SAMD3: variants seen among roughly 807,000 people sequenced by gnomAD.
SAMD3 encodes the protein sterile alpha motif domain-containing protein 3.
SAMD3 carries 63 observed loss-of-function variants against 58.5 expected under a neutral mutation model. The observed-to-expected ratio is 1.08, with a 90% CI of 0.88 to 1.33. The LOEUF is 1.33. Among genes scored for constraint, SAMD3 ranks in the 40% most tolerant of loss-of-function variants. The pLI is 0.00. For synonymous variants in SAMD3, 220 were observed against 210.3 expected (o/e 1.05, Z -0.40); for missense variants, 604 against 608.4 (o/e 0.99, Z 0.08).
chr6:130,348,119 A>G (rs1777514473), intron 1 of SAMD3, among the ~76,000 whole-genome samples: 1 of 152,200 alleles, frequency 6.6e-6, no homozygotes, highest in Non-Finnish European at 1.5e-5. Context: ...GCCACTGCAA[A>G]AACATGCCAA....
chr6:130,214,406 G>A lies in SAMD3; in HGVS notation c.200C>T (p.Thr67Ile), dbSNP rs139187903. 9.9e-5 allele frequency: 159 copies of A among 1,612,904 alleles called. No individual in the cohort carries two copies. Among genetic ancestry groups the A allele is most frequent in the Middle Eastern group, 1.6e-4 (1 of 6,080 alleles). The change falls in exon 4 of 12, where the codon ACT (threonine) becomes ATT (isoleucine). Residue 67 changes from threonine to isoleucine, a missense_variant. By Grantham distance (89) the Thr-to-Ile change is moderately conservative. Coordinates refer to ENST00000439090, the MANE Select transcript of SAMD3 (RefSeq NM_001017373.4). ...MDLIKKYKQN[T>I]QGLKSPENPK... The stretch of plus-strand genomic sequence containing the variant: ...GTTTTCTGGGGACTTCAGTCCTTGA[G>A]TGTTCTGCTTGTATTTTTTAATTAA...
intron 2 of SAMD3, among the ~76,000 whole-genome samples, chr6:130,269,618 G>A (rs1774487458): frequency 6.6e-6 from 1 of 151,814 alleles, no homozygotes; most frequent in African/African-American, 2.4e-5. Context: ...CTTTTTGTCA[G>A]TCTTCCTAGA....
chr6:130,339,079 C>T (rs192010449), intron 1 of SAMD3, among the ~76,000 whole-genome samples: 1 of 152,180 alleles, frequency 6.6e-6, no homozygotes, highest in East Asian at 1.9e-4. Context: ...TGGAGTCTCC[C>T]TTTGTTGCCC....
chr6:130,362,665 T>C (rs910875866), intron 1 of SAMD3, among the ~76,000 whole-genome samples: 1 of 152,142 alleles, frequency 6.6e-6, no homozygotes, highest in Non-Finnish European at 1.5e-5. Context: ...GTTTATTATC[T>C]AACAAGGAGG....
At chr6:130,313,609 A>G (rs1363823477) in intron 1 of SAMD3, among the ~76,000 whole-genome samples, 1 of 152,198 alleles carries the variant, frequency 6.6e-6, no homozygotes, top group African/African-American at 2.4e-5. Context: ...GCCTTTCACC[A>G]ATGCCACCCC....
chr6:130,190,139 A>T (rs368986333), intron 5 of SAMD3, among the ~76,000 whole-genome samples: 56,876 of 151,798 alleles, frequency 0.37, 11,317 homozygotes, highest in African/African-American at 0.47. Flanking sequence ...TAACTGGACT[A>T]AAGATAAAAG....
At chr6:130,159,463 G>A (rs9492465) in intron 8 of SAMD3, 9,859 of 152,306 alleles carry the variant, frequency 0.065, 328 homozygotes, top group Non-Finnish European at 0.082. Flanking sequence ...ACACAGAGGC[G>A]GGTGGGAGAT....
chr6:130,198,097 G>A (rs1458897677), intron 5 of SAMD3, among the ~76,000 whole-genome samples: 2 of 151,896 alleles, frequency 1.3e-5, no homozygotes, highest in East Asian at 1.9e-4. Context: ...CCTATAAAAC[G>A]GCCCCACCCC....
chr6:130,310,603 A>G (rs767221493), intron 2 of SAMD3, among the ~76,000 whole-genome samples: 1 of 152,176 alleles, frequency 6.6e-6, no homozygotes, highest in Non-Finnish European at 1.5e-5. Context: ...TTTATATTCT[A>G]TTTTAGTGCT....
Position 130,209,601 on chromosome 6 carries a change from C to T in SAMD3, c.277G>A (p.Asp93Asn), listed in dbSNP as rs267600803. 1.2e-6 allele frequency: 2 copies of T among 1,606,618 alleles called. No individual in the cohort carries two copies. Among genetic ancestry groups the T allele is most frequent in the Non-Finnish European group, 1.7e-6 (2 of 1,173,352 alleles). ...CTGGCTGGACTGGAGGACTCTTCAT[C>T]CCTGTAACTAAGAAAGAAGAGGTGG... ...MQTEAARDYR[D>N]EESSSPARHG... The change falls in exon 5 of 12, where the codon GAT (aspartate) becomes AAT (asparagine). Residue 93 changes from aspartate to asparagine, a missense_variant. Coordinates refer to ENST00000439090, the MANE Select transcript of SAMD3 (RefSeq NM_001017373.4).
chr6:130,312,769 T>C lies in SAMD3; in HGVS notation c.-188+209A>G, dbSNP rs144371497. 8.6e-3 allele frequency among the ~76,000 whole-genome samples: 1,306 copies of C among 151,436 alleles called. 12 individuals are homozygous for C. The highest frequency in any genetic ancestry group is 0.037 in the Middle Eastern group (11 of 294). ...CTTATCTTGTTGAAGACAGTAATTA[T>C]AGGCCTTATGTGTGAGTATACATGC... On this transcript the variant is annotated intron_variant, in intron 2 of 13. Coordinates refer to the SAMD3 transcript ENST00000368134.
chr6:130,355,606 TCTTA>T lies in SAMD3; in HGVS notation c.-304+9510_-304+9513del, dbSNP rs1280519961. 7.2e-5 allele frequency among the ~76,000 whole-genome samples: 11 copies of T among 152,320 alleles called. No individual in the cohort carries two copies. The East Asian group carries it at 1.9e-3, about 27-fold the overall frequency. ...GAGGAAGGTTGTGGTCACATGATGC[TCTTA>T]CTATCAAGAAATACCATTTTCAAAC... On this transcript the variant is annotated intron_variant, in intron 1 of 13. Coordinates refer to the SAMD3 transcript ENST00000368134.
At chr6:130,348,169 C>A (rs144928010) in intron 1 of SAMD3, among the ~76,000 whole-genome samples, 1 of 152,110 alleles carries the variant, frequency 6.6e-6, no homozygotes, top group Non-Finnish European at 1.5e-5. Flanking sequence ...ACTGCAGCAA[C>A]CAATGAGCAA....
At chr6:130,295,055 C>G (rs1324950296) in intron 2 of SAMD3, among the ~76,000 whole-genome samples, 1 of 151,434 alleles carries the variant, frequency 6.6e-6, no homozygotes, top group East Asian at 1.9e-4. Flanking sequence ...TCCCAAGTAG[C>G]TGGGATTACA....
chr6:130,259,879 A>AT (rs984089331), intron 2 of SAMD3, among the ~76,000 whole-genome samples: 36 of 151,580 alleles, frequency 2.4e-4, no homozygotes, highest in Admixed American at 4.6e-4. Flanking sequence ...AAATTGTTCA[A>AT]TTTTTTTTTG....
chr6:130,235,735 A>G (rs994476195), intron 2 of SAMD3, among the ~76,000 whole-genome samples: 3 of 152,032 alleles, frequency 2.0e-5, no homozygotes, highest in African/African-American at 4.8e-5. Context: ...ACGAGTAAGT[A>G]TAATATATGG....
At chr6:130,362,548 T>C (rs1482993768) in intron 1 of SAMD3, among the ~76,000 whole-genome samples, 1 of 152,214 alleles carries the variant, frequency 6.6e-6, no homozygotes, top group Non-Finnish European at 1.5e-5. Context: ...CAGGCACAAA[T>C]CTGTTCAGAG....
At chr6:130,165,418 AAC>A (rs926079255) in intron 8 of SAMD3, among the ~76,000 whole-genome samples, 4 of 152,152 alleles carry the variant, frequency 2.6e-5, no homozygotes, top group Admixed American at 6.5e-5. Context: ...CAAACAAAAA[AAC>A]ACAGAGATAA....
intron 1 of SAMD3, among the ~76,000 whole-genome samples, chr6:130,343,745 A>T (rs1178190817): frequency 6.6e-6 from 1 of 152,232 alleles, no homozygotes; most frequent in Non-Finnish European, 1.5e-5. Context: ...TGGGTGGATC[A>T]CTTGAGGTCA....
Sources: gnomAD v4.1 joint callset for allele counts (sites outside exome capture counted in the v4.1 genomes callset) on GRCh38, gnomAD v4.1.1 for gene constraint, MANE v1.5 for transcripts, NCBI Gene and HGNC (gene_info 2026-07-23, HGNC 2026-07-21) for gene names.